The following AGBL4 variants were observed in gnomAD, a reference collection of about 807,000 sequenced individuals.
AGBL4 encodes AGBL carboxypeptidase 4, also known as cytosolic carboxypeptidase 6.
In AGBL4, 58 loss-of-function variants were observed where a neutral mutation model predicts 66.4. The observed-to-expected ratio is 0.87, with a 90% CI of 0.71 to 1.09. The LOEUF is 1.09. AGBL4 is among the 50% of genes least tolerant of loss of function. The probability of loss-of-function intolerance (pLI) is 0.00; values close to 1 mark genes in which losing one functional copy is unlikely to be tolerated. For missense variants in AGBL4, 579 were observed against 631.0 expected, an observed-to-expected ratio of 0.92 and a Z score of 0.88; for synonymous variants, 234 against 222.9, an observed-to-expected ratio of 1.05 and a Z score of -0.44.
At chr1:49,962,838 AACTCCCTAATCTG>A (rs1657228806) in intron 1 of AGBL4, among the ~76,000 whole-genome samples, 4 of 152,156 alleles carry the variant, frequency 2.6e-5, no homozygotes, top group Non-Finnish European at 5.9e-5. Context: ...CTTCTAGTCT[AACTCCCTAATCTG>A]ACAAGGGAAG....
intron 4 of AGBL4, among the ~76,000 whole-genome samples, chr1:49,117,747 T>G (rs1382234247): frequency 6.6e-6 from 1 of 152,174 alleles, no homozygotes; most frequent in Non-Finnish European, 1.5e-5. Flanking sequence ...TTTTTTCCAG[T>G]TCTGTGAAGA....
At chr1:49,755,913 T>G (rs1354732044) in intron 2 of AGBL4, among the ~76,000 whole-genome samples, 1 of 152,200 alleles carries the variant, frequency 6.6e-6, no homozygotes, top group Non-Finnish European at 1.5e-5. Context: ...ATGGCTCAGT[T>G]AGAATATGAC....
chr1:48,856,305 T>C (rs945326217), intron 6 of AGBL4, among the ~76,000 whole-genome samples: 1 of 152,224 alleles, frequency 6.6e-6, no homozygotes, highest in Non-Finnish European at 1.5e-5. Context: ...TAAAACTTAC[T>C]GTGATTGCAA....
intron 1 of AGBL4, among the ~76,000 whole-genome samples, chr1:49,908,466 T>G (rs1458081699): frequency 6.6e-6 from 1 of 152,218 alleles, no homozygotes; most frequent in African/African-American, 2.4e-5. Flanking sequence ...CCATGTGACA[T>G]GCTTGCTCCC....
intron 4 of AGBL4, among the ~76,000 whole-genome samples, chr1:49,233,298 TATC>T (rs1650469536): frequency 6.6e-6 from 1 of 152,244 alleles, no homozygotes; most frequent in Non-Finnish European, 1.5e-5. Flanking sequence ...CTGATTTAAT[TATC>T]ATGCTTAAAA....
intron 3 of AGBL4, among the ~76,000 whole-genome samples, chr1:49,270,672 C>G (rs1376376823): frequency 6.6e-6 from 1 of 152,098 alleles, no homozygotes; most frequent in Non-Finnish European, 1.5e-5. Context: ...TCTATTCCCT[C>G]TCTAGAAAAC....
chr1:49,383,596 T>C (rs1026153352), intron 3 of AGBL4, among the ~76,000 whole-genome samples: 1 of 151,936 alleles, frequency 6.6e-6, no homozygotes, highest in Non-Finnish European at 1.5e-5. Context: ...TATCCACATG[T>C]AAAAAAATGA....
At chr1:49,355,404 T>C (rs1194958059) in intron 3 of AGBL4, among the ~76,000 whole-genome samples, 1 of 152,176 alleles carries the variant, frequency 6.6e-6, no homozygotes, top group Non-Finnish European at 1.5e-5. Flanking sequence ...CAAGTTCTTC[T>C]GACTCTGCCT....
intron 4 of AGBL4, among the ~76,000 whole-genome samples, chr1:49,108,061 T>C (rs1448442456): frequency 6.6e-6 from 1 of 152,196 alleles, no homozygotes; most frequent in Non-Finnish European, 1.5e-5. Flanking sequence ...TTATCTCTCT[T>C]TCTGCTTCAG....
chr1:49,831,738 C>A (rs569057355), intron 2 of AGBL4, among the ~76,000 whole-genome samples: 132 of 152,206 alleles, frequency 8.7e-4, no homozygotes, highest in African/African-American at 3.2e-3. Flanking sequence ...ATGATACTGG[C>A]TGTGGGTTTG....
chr1:49,052,624 G>A (rs1470826987), intron 4 of AGBL4, among the ~76,000 whole-genome samples: 2 of 152,242 alleles, frequency 1.3e-5, no homozygotes, highest in East Asian at 3.9e-4. Context: ...GGATTATTAG[G>A]TGGTAGACCA....
chr1:49,246,495 C>T (rs776704387), intron 3 of AGBL4, among the ~76,000 whole-genome samples: 18 of 151,822 alleles, frequency 1.2e-4, no homozygotes, highest in African/African-American at 2.7e-4. Flanking sequence ...TACTAGGGGT[C>T]GGGGTACTAG....
chr1:49,885,526 T>C (rs1389554276), intron 1 of AGBL4, among the ~76,000 whole-genome samples: 1 of 151,922 alleles, frequency 6.6e-6, no homozygotes, highest in Admixed American at 6.6e-5. Flanking sequence ...ATTTCTCAAA[T>C]ACACATACCC....
At chr1:49,468,628 T>C (rs185333400) in intron 3 of AGBL4, among the ~76,000 whole-genome samples, 2 of 151,980 alleles carry the variant, frequency 1.3e-5, no homozygotes, top group East Asian at 1.9e-4. Context: ...GTTCGTTTAG[T>C]TTTCTTCACT....
chr1:49,522,825 G>A (rs1201075280), intron 3 of AGBL4, among the ~76,000 whole-genome samples: 2 of 152,014 alleles, frequency 1.3e-5, no homozygotes, highest in African/African-American at 4.8e-5. Context: ...CACGGATCAG[G>A]TATCAGTAAC....
At position 49,527,734 on chromosome 1, in the gene AGBL4, A is replaced by T. The variant is rs544708577; in HGVS notation, c.282+169579T>A. 23 of 152,284 alleles carry T rather than the reference A, an allele frequency of 1.5e-4. 2 individuals are homozygous for T. The highest frequency in any genetic ancestry group is 2.8e-4 in the Non-Finnish European group (19 of 68,024). The allele number at this position is 152,284 out of a possible 1,614,324, so 9.4% of individuals were successfully genotyped here. ...CTCGGTGCCCCATCCACTAGCTCGG[A>T]TCCTTTCAATCTCTAACTCCAGCCA... is the stretch of plus-strand genomic sequence containing the variant. On this transcript the variant is annotated intron_variant, in intron 3 of 13. Coordinates refer to ENST00000371839, the MANE Select transcript of AGBL4 (RefSeq NM_032785.4).
In AGBL4 at chr1:49,929,761, A is replaced by C. The variant is rs1345871351; in HGVS notation, c.35-78243T>G. 1.3e-5 allele frequency among the ~76,000 whole-genome samples: 2 copies of C among 152,148 alleles called. 1 individual carries two copies. Among genetic ancestry groups the C allele is most frequent in the Non-Finnish European group, 2.9e-5 (2 of 67,984 alleles). ...CAAATAAAGACTTTTTATATTATCT[A>C]AACTTATCTTAAAATAATAACAATG... On this transcript the variant is annotated intron_variant, in intron 1 of 13. Coordinates refer to ENST00000371839, the MANE Select transcript of AGBL4 (RefSeq NM_032785.4).
intron 6 of AGBL4, among the ~76,000 whole-genome samples, chr1:48,679,459 G>T (rs1395577129): frequency 6.6e-6 from 1 of 152,132 alleles, no homozygotes; most frequent in African/African-American, 2.4e-5. Context: ...GCCACAGTGG[G>T]GGTGATCTCA....
chr1:49,904,893 A>G (rs920603786), intron 1 of AGBL4, among the ~76,000 whole-genome samples: 6 of 152,196 alleles, frequency 3.9e-5, no homozygotes, highest in Admixed American at 3.9e-4. Flanking sequence ...ATGAAATTAC[A>G]GCTGTGGGGT....
Sources: gnomAD v4.1 joint callset for allele counts (sites outside exome capture counted in the v4.1 genomes callset) on GRCh38, gnomAD v4.1.1 for gene constraint, MANE v1.5 for transcripts, NCBI Gene and HGNC (gene_info 2026-07-23, HGNC 2026-07-21) for gene names.